The following RBFOX1 variants were observed in gnomAD, a reference collection of about 807,000 sequenced individuals.
RBFOX1 encodes the protein RNA binding fox-1 homolog 1, also known as RNA binding protein fox-1 homolog 1.
In RBFOX1, 8 loss-of-function variants were observed where a neutral mutation model predicts 57.7. The ratio of observed to expected loss-of-function variants is 0.14; its 90% CI spans 0.08 to 0.25. The LOEUF (loss-of-function observed/expected upper bound fraction) is 0.25, where lower values mean the gene tolerates loss of function less well. RBFOX1 is among the 10% of genes least tolerant of loss of function. The pLI is 1.00. For missense variants in RBFOX1, 611 were observed against 548.5 expected, an observed-to-expected ratio of 1.11 and a Z score of -1.14; for synonymous variants, 326 against 222.4, an observed-to-expected ratio of 1.47 and a Z score of -4.15.
intron 4 of RBFOX1, among the ~76,000 whole-genome samples, chr16:7,375,212 T>A (rs2097662567): frequency 6.6e-6 from 1 of 152,234 alleles, no homozygotes; most frequent in Non-Finnish European, 1.5e-5. Context: ...GAGAAGTACA[T>A]CGTTTCAGTG....
chr16:6,905,427 C>G (rs558061052), intron 3 of RBFOX1, among the ~76,000 whole-genome samples: 5 of 152,062 alleles, frequency 3.3e-5, no homozygotes, highest in East Asian at 3.9e-4. Flanking sequence ...GTGGCACACT[C>G]CTATAATCCC....
intron 3 of RBFOX1, among the ~76,000 whole-genome samples, chr16:6,982,805 C>T (rs925850088): frequency 2.0e-5 from 3 of 151,972 alleles, no homozygotes; most frequent in African/African-American, 7.3e-5. Context: ...CCAGCCTGGC[C>T]AACATGGCGG....
Position 5,527,357 on chromosome 16 carries a change from C to G in RBFOX1, c.258+60103C>G, listed in dbSNP as rs145950347. ...AAATGGAGTTCGTAGACTCCTCCCC[C>G]ATACAGCGTCCTCCATGCTGTTTCT... On this transcript the variant is annotated intron_variant, in intron 2 of 2. Transcript: ENST00000585867. Among the ~76,000 whole-genome samples the G allele has an allele frequency of 4.1e-3, 624 of 152,318 alleles. 7 individuals carry two copies. The highest frequency in any genetic ancestry group is 0.014 in the African/African-American group (601 of 41,570).
chr16:5,995,838 A>G (rs904687658), intron 4 of RBFOX1, among the ~76,000 whole-genome samples: 1 of 152,160 alleles, frequency 6.6e-6, no homozygotes, highest in African/African-American at 2.4e-5. Context: ...CATTTGGGCT[A>G]CTGTAACAAA....
chr16:6,317,747 C>T (rs2081291742), intron 2 of RBFOX1, among the ~76,000 whole-genome samples: 1 of 152,076 alleles, frequency 6.6e-6, no homozygotes, highest in Non-Finnish European at 1.5e-5. Context: ...TGGGGTAGCA[C>T]CTTCACAAAG....
chr16:6,190,247 T>G (rs1341058153), intron 1 of RBFOX1, among the ~76,000 whole-genome samples: 2 of 152,210 alleles, frequency 1.3e-5, no homozygotes, highest in African/African-American at 4.8e-5. Context: ...TGACTCCATT[T>G]TGGCTTCATG....
At chr16:6,218,865 AAAG>A (rs1213575410) in intron 1 of RBFOX1, among the ~76,000 whole-genome samples, 1 of 3,542 alleles carries the variant, frequency 2.8e-4, no homozygotes, top group African/African-American at 5.0e-4. Flanking sequence ...AAAAAAAAAA[AAAG>A]AAGAAGGAGA....
intron 1 of RBFOX1, among the ~76,000 whole-genome samples, chr16:6,207,606 A>G (rs2097263566): frequency 3.9e-5 from 6 of 152,226 alleles, no homozygotes; most frequent in Admixed American, 3.9e-4. Context: ...CCATATATTA[A>G]TTTAATTATT....
At chr16:6,854,150 G>A (rs954570050) in intron 3 of RBFOX1, among the ~76,000 whole-genome samples, 1 of 152,134 alleles carries the variant, frequency 6.6e-6, no homozygotes, top group Non-Finnish European at 1.5e-5. Context: ...CTCAAAATAT[G>A]AGTGTCTGAC....
intron 3 of RBFOX1, among the ~76,000 whole-genome samples, chr16:7,037,710 A>T (rs553597034): frequency 2.5e-4 from 38 of 152,314 alleles, no homozygotes; most frequent in African/African-American, 8.9e-4. Flanking sequence ...ACATGGGTAG[A>T]CCCAGGCAAG....
chr16:6,481,746 G>A (rs781303254), intron 2 of RBFOX1, among the ~76,000 whole-genome samples: 169 of 152,094 alleles, frequency 1.1e-3, no homozygotes, highest in Non-Finnish European at 1.8e-3. Context: ...GTTCTTCATG[G>A]CATCATTATT....
At chr16:7,664,197 CTA>C (rs2068566298) in intron 12 of RBFOX1, among the ~76,000 whole-genome samples, 1 of 152,208 alleles carries the variant, frequency 6.6e-6, no homozygotes, top group South Asian at 2.1e-4. Flanking sequence ...CGTGTATACA[CTA>C]TAGACAAATA....
chr16:7,443,247 C>T (rs934496482), intron 4 of RBFOX1, among the ~76,000 whole-genome samples: 1 of 151,902 alleles, frequency 6.6e-6, no homozygotes, highest in Non-Finnish European at 1.5e-5. Flanking sequence ...TGCATTTCTC[C>T]AGTTTGATTC....
chr16:5,616,245 T>G (rs375149832), intron 3 of RBFOX1: 1 of 152,358 alleles, frequency 6.6e-6, no homozygotes, highest in East Asian at 1.9e-4. Flanking sequence ...AGCACCACCC[T>G]CTGCCTCCCG....
chr16:5,725,699 G>A (rs192945200), intron 3 of RBFOX1, among the ~76,000 whole-genome samples: 21 of 151,876 alleles, frequency 1.4e-4, no homozygotes, highest in African/African-American at 5.1e-4. Context: ...ATTCACACCT[G>A]GCATGGGGGA....
intron 3 of RBFOX1, among the ~76,000 whole-genome samples, chr16:6,993,542 C>T (rs1436754862): frequency 6.6e-6 from 1 of 152,014 alleles, no homozygotes; most frequent in African/African-American, 2.4e-5. Flanking sequence ...GGTCCTTTCC[C>T]CTTTGTAATT....
intron 4 of RBFOX1, among the ~76,000 whole-genome samples, chr16:5,964,413 TAAAG>T (rs2059805913): frequency 6.6e-6 from 1 of 152,084 alleles, no homozygotes; most frequent in African/African-American, 2.4e-5. Context: ...CCAAAGGAAA[TAAAG>T]AGAGGACTGC....
chr16:6,380,705 C>T (rs2091725400), intron 2 of RBFOX1, among the ~76,000 whole-genome samples: 2 of 150,160 alleles, frequency 1.3e-5, no homozygotes, highest in South Asian at 4.3e-4. Flanking sequence ...CATACAAAAC[C>T]ATTTCTGTAA....
chr16:6,298,658 G>A (rs757260367), intron 1 of RBFOX1, among the ~76,000 whole-genome samples: 10 of 152,108 alleles, frequency 6.6e-5, no homozygotes, highest in Middle Eastern at 3.2e-3. Flanking sequence ...TGGCAACAGC[G>A]CTCATTAAAA....
Sources: allele counts gnomAD v4.1 joint callset (sites outside exome capture counted in the v4.1 genomes callset), GRCh38; gene constraint gnomAD v4.1.1; transcripts MANE v1.5; gene names NCBI Gene and HGNC (gene_info 2026-07-23, HGNC 2026-07-21).